The following MRPL20 variants were observed in gnomAD, a reference collection of about 807,000 sequenced individuals.
The protein encoded by MRPL20 is mitochondrial ribosomal protein L20, also known as large ribosomal subunit protein bL20m.
A neutral mutation model predicts 20.0 loss-of-function variants in MRPL20; 21 were observed. The ratio of observed to expected loss-of-function variants is 1.05; its 90% CI spans 0.74 to 1.51. MRPL20 has a LOEUF of 1.51. Ranked by LOEUF, MRPL20 falls within the 40% of genes most tolerant of loss-of-function variation. The pLI is 0.00. For synonymous variants in MRPL20, 104 were observed against 73.0 expected, an observed-to-expected ratio of 1.43 and a Z score of -2.17; for missense variants, 252 against 185.6, an observed-to-expected ratio of 1.36 and a Z score of -2.08.
At chr1:1,405,952 T>C in intron 2 of MRPL20, 66 bp from the exon 3 acceptor site, 1 of 1,554,662 alleles carries the variant, frequency 6.4e-7, no homozygotes, top group Non-Finnish European at 8.7e-7. Flanking sequence ...GCAAAGCCTC[T>C]AATTGATCTA....
rs574222158 is a variant in MRPL20, at chr1:1,406,077, T to G, written c.199-191A>C. 127 of 747,842 alleles carry G rather than the reference T, an allele frequency of 1.7e-4. 4 individuals carry two copies. In the South Asian group the frequency reaches 2.4e-3, roughly 14 times the overall value. 46.3% of individuals were successfully genotyped at this position (747,842 alleles called of 1,614,324 possible). The stretch of plus-strand genomic sequence containing the variant: ...AAATTAAAAACAGCAAAAACCCAGC[T>G]GGGCACGGTGTCTCACGCCTGTAAT... On this transcript the variant is annotated intron_variant, in intron 2 of 3. Coordinates refer to ENST00000344843, the MANE Select transcript of MRPL20 (RefSeq NM_017971.4).
At chr1:1,407,104 T>C in intron 1 of MRPL20, 27 bp downstream of exon 1, 2 of 1,609,066 alleles carry the variant, frequency 1.2e-6, no homozygotes, top group African/African-American at 2.7e-5. Flanking sequence ...GGGCGCCCAG[T>C]GCCCAGGCCG....
chr1:1,405,923 T>A, intron 2 of MRPL20, 37 bp from the exon 3 acceptor site: 2 of 1,590,106 alleles, frequency 1.3e-6, no homozygotes, highest in Non-Finnish European at 1.7e-6. Flanking sequence ...TAAAAATGAC[T>A]TCTGGATGTT....
chr1:1,402,418 G>A, intron 3 of MRPL20, 162 bp from the exon 4 acceptor site: 1 of 1,386,004 alleles, frequency 7.2e-7, no homozygotes, highest in Non-Finnish European at 9.3e-7. Flanking sequence ...GGACTTCCAG[G>A]CAGGATGCTG....
In MRPL20 at chr1:1,402,092, C is replaced by T. The variant is rs1645335674; in HGVS notation, c.441G>A (p.Gln147=). Residue 147 remains glutamine, a synonymous_variant, in exon 4 of 4, where the codon CAG becomes CAA. Coordinates refer to ENST00000344843, the MANE Select transcript of MRPL20 (RefSeq NM_017971.4). ...EPEGIFSRVV[Q]YH ...AATACAGCAACAGTCCTCAGTGGTA[C>T]TGCACCACTCTGGAAAAAATGCCTT... is the stretch of plus-strand genomic sequence containing the variant. 6.2e-7 allele frequency: 1 copy of T among 1,613,722 alleles called. No individual in the cohort carries two copies. The highest frequency in any genetic ancestry group is 8.5e-7 in the Non-Finnish European group (1 of 1,179,802).
chr1:1,407,139 G>C lies in MRPL20; in HGVS notation c.79C>G (p.His27Asp), dbSNP rs761389193. The C allele has an allele frequency of 6.2e-6, 10 of 1,607,218 alleles. No homozygotes were observed. In the African/African-American group the frequency reaches 1.2e-4, roughly 19 times the overall value. ...GGGCAGGCGGCACTCACCCTGGCGT[G>C]CTTCAGCACCTCCTGGATCCGAAAG... Reference protein sequence around the residue: ...RYFRIQEVLKHARHFRGRKNR... With the variant: ...RYFRIQEVLKDARHFRGRKNR... Residue 27 changes from histidine (H) to aspartate (D), a missense_variant, in exon 1 of 4, where the codon CAC (histidine) becomes GAC (aspartate). His to Asp is a moderately conservative substitution (Grantham distance 81). Transcript: ENST00000344843.
At position 1,402,026 on chromosome 1, in the gene MRPL20, A is replaced by G. The variant is rs749353947; in HGVS notation, c.*57T>C. ...TGGGTTGTAGATAAACAAAAGTATAAATCAAACAAACTGCAAATTACTCTG... is the reference window on the plus strand; with the variant it reads ...TGGGTTGTAGATAAACAAAAGTATAGATCAAACAAACTGCAAATTACTCTG... On this transcript the variant is annotated 3_prime_UTR_variant, in exon 4 of 4. Transcript: ENST00000344843. 1.9e-6 allele frequency: 3 copies of G among 1,557,602 alleles called. No individual in the cohort carries two copies. Among genetic ancestry groups the G allele is most frequent in the Non-Finnish European group, 2.6e-6 (3 of 1,149,086 alleles).
Position 1,407,229 on chromosome 1 carries a change from G to A in MRPL20, c.-12C>T, listed in dbSNP as rs763043009. 6.3e-7 allele frequency: 1 copy of A among 1,587,732 alleles called. No individual in the cohort carries two copies. Among genetic ancestry groups the A allele is most frequent in the Non-Finnish European group, 8.6e-7 (1 of 1,167,198 alleles). The stretch of plus-strand genomic sequence containing the variant: ...GTGAGGAAGACCATGGCGCCTGCAG[G>A]CCGGCGTCCCGAACACTCAACAACG... On this transcript the variant is annotated 5_prime_UTR_variant, in exon 1 of 4. Transcript: ENST00000344843.
intron 3 of MRPL20, among the ~76,000 whole-genome samples, chr1:1,403,538 G>C (rs899351139): frequency 6.6e-6 from 1 of 151,958 alleles, no homozygotes; most frequent in Non-Finnish European, 1.5e-5. Context: ...CACCGTGCCC[G>C]GCCAAGTATG....
In MRPL20 at chr1:1,402,029, C is replaced by A; in HGVS notation, c.*54G>T. On this transcript the variant is annotated 3_prime_UTR_variant, in exon 4 of 4. Transcript: ENST00000344843. ...GTTGTAGATAAACAAAAGTATAAATCAAACAAACTGCAAATTACTCTGTCT... is the reference window on the plus strand; with the variant it reads ...GTTGTAGATAAACAAAAGTATAAATAAAACAAACTGCAAATTACTCTGTCT... 6.4e-7 allele frequency: 1 copy of A among 1,561,612 alleles called. No homozygotes were observed. Among genetic ancestry groups the A allele is most frequent in the South Asian group, 1.2e-5 (1 of 83,424 alleles).
chr1:1,405,736 GCAC>G (rs1267561876), intron 3 of MRPL20, 70 bp downstream of exon 3: 1 of 1,613,260 alleles, frequency 6.2e-7, no homozygotes, highest in Non-Finnish European at 8.5e-7. Context: ...ACTACAGGAA[GCAC>G]CACCACGCCC....
In MRPL20 at chr1:1,404,085, C is replaced by CGCCTCT. The variant is rs928913237; in HGVS notation, c.276+1718_276+1723dup. On this transcript the variant is annotated intron_variant, in intron 3 of 3. Coordinates refer to ENST00000344843, the MANE Select transcript of MRPL20 (RefSeq NM_017971.4). ...AACTCCTGATGTCAGGTGATCAGCC[C>CGCCTCT]GCCTCTGCCTCTGCCTCTCAACATA... Among the ~76,000 whole-genome samples, 9 of 151,962 alleles carry CGCCTCT rather than the reference C, an allele frequency of 5.9e-5. 1 individual carries two copies. The South Asian group carries it at 1.2e-3, about 21-fold the overall frequency.
chr1:1,402,018 A>G lies in MRPL20; in HGVS notation c.*65T>C. The G allele has an allele frequency of 6.5e-7, 1 of 1,538,198 alleles. No individual in the cohort carries two copies. The highest frequency in any genetic ancestry group is 1.2e-5 in the South Asian group (1 of 80,658). ...TCTGTTATTGGGTTGTAGATAAACA[A>G]AAGTATAAATCAAACAAACTGCAAA... On this transcript the variant is annotated 3_prime_UTR_variant, in exon 4 of 4. Coordinates refer to ENST00000344843, the MANE Select transcript of MRPL20 (RefSeq NM_017971.4).
chr1:1,402,338 A>T (rs555943289), intron 3 of MRPL20, 82 bp from the exon 4 acceptor site: 1 of 1,504,832 alleles, frequency 6.6e-7, no homozygotes, highest in Admixed American at 2.2e-5. Context: ...TGGCTCAGGA[A>T]GAACCCAGCT....
rs779981846 is a variant in MRPL20, at chr1:1,402,049, CTG to C, written c.*32_*33del. ...TAAATCAAACAAACTGCAAATTACTCTGTCTCTTTTCCTAATCAATACAGCAA... is the reference window on the plus strand; with the variant it reads ...TAAATCAAACAAACTGCAAATTACTCTCTCTTTTCCTAATCAATACAGCAA... On this transcript the variant is annotated 3_prime_UTR_variant, in exon 4 of 4. Coordinates refer to ENST00000344843, the MANE Select transcript of MRPL20 (RefSeq NM_017971.4). 2.5e-6 allele frequency: 4 copies of C among 1,579,006 alleles called. No homozygotes were observed. In the East Asian group the frequency reaches 6.8e-5, roughly 27 times the overall value.
chr1:1,406,090 T>G (rs2100398448), intron 2 of MRPL20: 1 of 642,618 alleles, frequency 1.6e-6, no homozygotes, highest in East Asian at 3.1e-5. Context: ...GCACGGTGTC[T>G]CACGCCTGTA....
chr1:1,403,389 GCCCGC>G (rs1557749981), intron 3 of MRPL20, among the ~76,000 whole-genome samples: 1 of 151,534 alleles, frequency 6.6e-6, no homozygotes, highest in Admixed American at 6.6e-5. Context: ...GACTACAGGT[GCCCGC>G]CACCGCACCT....
intron 3 of MRPL20, among the ~76,000 whole-genome samples, chr1:1,404,883 C>T (rs930497065): frequency 6.6e-6 from 1 of 152,186 alleles, no homozygotes; most frequent in South Asian, 2.1e-4. Flanking sequence ...CCAGACCTGC[C>T]AGAACCCCAC....
Position 1,406,910 on chromosome 1 carries a change from GTCC to G in MRPL20, c.194_196del (p.Arg65del). The G allele has an allele frequency of 6.2e-7, 1 of 1,612,136 alleles. No homozygotes were observed. Among genetic ancestry groups the G allele is most frequent in the Non-Finnish European group, 8.5e-7 (1 of 1,178,298 alleles). On this transcript the variant is annotated inframe_deletion and splice_region_variant, in exon 2 of 4. Coordinates refer to ENST00000344843, the MANE Select transcript of MRPL20 (RefSeq NM_017971.4). The stretch of plus-strand genomic sequence containing the variant: ...CGGGTGTCCCGGGTCCACGCTTACG[GTCC>G]TCATGTTCTTTTTCTTCAGGTATCG...
Sources: allele counts gnomAD v4.1 joint callset (sites outside exome capture counted in the v4.1 genomes callset), GRCh38; gene constraint gnomAD v4.1.1; transcripts MANE v1.5; gene names NCBI Gene and HGNC (gene_info 2026-07-23, HGNC 2026-07-21).